Variants in HSPA12A observed in about 807,000 individuals in gnomAD.
HSPA12A encodes heat shock protein family A (Hsp70) member 12A.
A neutral mutation model predicts 69.2 loss-of-function variants in HSPA12A; 28 were observed. The ratio of observed to expected loss-of-function variants is 0.40; its 90% CI spans 0.30 to 0.55. HSPA12A has a LOEUF of 0.55. Ranked by LOEUF, HSPA12A falls within the 20% of genes least tolerant of loss-of-function variation. The probability of loss-of-function intolerance (pLI) is 0.38; values close to 1 mark genes in which losing one functional copy is unlikely to be tolerated. For missense variants in HSPA12A, 686 were observed against 900.7 expected, an observed-to-expected ratio of 0.76 and a Z score of 3.05; for synonymous variants, 345 against 370.5, an observed-to-expected ratio of 0.93 and a Z score of 0.79.
intron 2 of HSPA12A, among the ~76,000 whole-genome samples, chr10:116,765,319 A>T (rs782186662): frequency 1.3e-5 from 2 of 152,196 alleles, no homozygotes; most frequent in Non-Finnish European, 2.9e-5. Context: ...AACCTGAAAC[A>T]TCAAAAAAAA....
intron 2 of HSPA12A, among the ~76,000 whole-genome samples, chr10:116,817,049 C>T (rs1845319355): frequency 6.6e-6 from 1 of 152,182 alleles, no homozygotes; most frequent in Non-Finnish European, 1.5e-5. Context: ...ATTGTTTAAA[C>T]TGTATTTCTT....
chr10:116,776,185 C>G (rs1340199328), intron 2 of HSPA12A, among the ~76,000 whole-genome samples: 1 of 152,214 alleles, frequency 6.6e-6, no homozygotes, highest in Non-Finnish European at 1.5e-5. Flanking sequence ...GTGGCCCACC[C>G]CTGGGACTCC....
chr10:116,812,982 G>A (rs539757975), intron 2 of HSPA12A, among the ~76,000 whole-genome samples: 1 of 152,264 alleles, frequency 6.6e-6, no homozygotes, highest in South Asian at 2.1e-4. Context: ...AGGGAGGGAG[G>A]AAGCTAAGAC....
intron 2 of HSPA12A, among the ~76,000 whole-genome samples, chr10:116,780,388 G>T (rs1277288479): frequency 6.6e-6 from 1 of 151,468 alleles, no homozygotes; most frequent in Admixed American, 6.6e-5. Flanking sequence ...GTCTCTCTCT[G>T]TCACCCAGGC....
intron 2 of HSPA12A, among the ~76,000 whole-genome samples, chr10:116,790,092 CTTTTTTTTTTTT>C (rs140785704): frequency 2.9e-5 from 2 of 69,120 alleles, no homozygotes; most frequent in African/African-American, 1.0e-4. Context: ...GATAATCTTT[CTTTTTTTTTTTT>C]TTTTTTTTTT....
At chr10:116,839,331 C>A (rs895341885) in intron 1 of HSPA12A, among the ~76,000 whole-genome samples, 1 of 152,124 alleles carries the variant, frequency 6.6e-6, no homozygotes, top group African/African-American at 2.4e-5. Flanking sequence ...CGCTCCCCTC[C>A]CCCACGAAGA....
intron 1 of HSPA12A, among the ~76,000 whole-genome samples, chr10:116,847,291 A>T (rs945159597): frequency 3.3e-5 from 5 of 151,836 alleles, no homozygotes; most frequent in South Asian, 2.1e-4. Context: ...ATTCTCTCTC[A>T]CTCATCAATT....
At chr10:116,740,035 C>A (rs1317475742) in intron 1 of HSPA12A, among the ~76,000 whole-genome samples, 1 of 152,224 alleles carries the variant, frequency 6.6e-6, no homozygotes, top group African/African-American at 2.4e-5. Context: ...TGGCACCCAT[C>A]CTTTTGTACC....
At chr10:116,793,689 A>G (rs1337227592) in intron 2 of HSPA12A, among the ~76,000 whole-genome samples, 1 of 152,230 alleles carries the variant, frequency 6.6e-6, no homozygotes, top group Non-Finnish European at 1.5e-5. Flanking sequence ...TGTACTATAT[A>G]GAAGGAAGGT....
intron 2 of HSPA12A, among the ~76,000 whole-genome samples, chr10:116,798,981 G>A (rs1051284946): frequency 3.3e-5 from 5 of 152,058 alleles, no homozygotes; most frequent in African/African-American, 1.2e-4. Flanking sequence ...CCATGGTCAG[G>A]GAGTGGCCGA....
chr10:116,691,588 T>C (rs1406599136), intron 6 of HSPA12A, among the ~76,000 whole-genome samples: 1 of 152,182 alleles, frequency 6.6e-6, no homozygotes, highest in African/African-American at 2.4e-5. Flanking sequence ...TGGGTGTTCA[T>C]ACGCCCAGGG....
intron 1 of HSPA12A, among the ~76,000 whole-genome samples, chr10:116,847,794 T>C (rs1452257441): frequency 6.6e-6 from 1 of 152,166 alleles, no homozygotes; most frequent in Non-Finnish European, 1.5e-5. Flanking sequence ...TATAGGGTTA[T>C]AGGGGGAGAC....
chr10:116,806,927 T>C (rs1232110999), intron 2 of HSPA12A, among the ~76,000 whole-genome samples: 2 of 152,200 alleles, frequency 1.3e-5, no homozygotes, highest in Non-Finnish European at 2.9e-5. Context: ...GGTTACCCAG[T>C]TATAAATCCA....
intron 4 of HSPA12A, 47 bp downstream of exon 4, chr10:116,700,895 TG>T: frequency 6.3e-7 from 1 of 1,585,138 alleles, no homozygotes; most frequent in East Asian, 2.2e-5. Context: ...GGAGGAAGCT[TG>T]GCACTCCATT....
upstream of HSPA12A, chr10:116,850,037 G>T: frequency 3.8e-6 from 2 of 529,278 alleles, no homozygotes; most frequent in African/African-American, 1.9e-5. Context: ...AGGCCTCTCC[G>T]TTTGTGGGCC....
chr10:116,745,275 C>T (rs1589681461), upstream of HSPA12A, among the ~76,000 whole-genome samples: 1 of 152,338 alleles, frequency 6.6e-6, no homozygotes, highest in African/African-American at 2.4e-5. Context: ...GTAAGTGAAG[C>T]GGGAACACAG....
At position 116,692,492 on chromosome 10, in the gene HSPA12A, A is replaced by G. The variant is rs200353321; in HGVS notation, c.547-25T>C. 41 of 1,576,856 alleles carry G rather than the reference A, an allele frequency of 2.6e-5. No homozygotes were observed. The Middle Eastern group carries it at 1.0e-3, about 38-fold the overall frequency. On this transcript the variant is annotated intron_variant, in intron 5 of 11. Transcript: ENST00000369209. ...CCTGAAGCCAAGGGAAAGAAATGCA[A>G]CAGGTCAAGTGGCAGCTGGTTCCTG...
chr10:116,786,620 T>C (rs947948655), intron 2 of HSPA12A, among the ~76,000 whole-genome samples: 2 of 152,144 alleles, frequency 1.3e-5, no homozygotes, highest in Non-Finnish European at 2.9e-5. Flanking sequence ...AGCTGCCTAT[T>C]AGAATCTCCT....
At chr10:116,678,343 A>G (rs192385318) in intron 10 of HSPA12A, among the ~76,000 whole-genome samples, 50 of 100,412 alleles carry the variant, frequency 5.0e-4, no homozygotes, top group African/African-American at 1.7e-3. Context: ...CCATCTGCCA[A>G]CTTGCAAAAA....
Sources: allele counts gnomAD v4.1 joint callset (sites outside exome capture counted in the v4.1 genomes callset), GRCh38; gene constraint gnomAD v4.1.1; transcripts MANE v1.5; gene names NCBI Gene and HGNC (gene_info 2026-07-23, HGNC 2026-07-21).